The following NALCN variants were observed in gnomAD, a reference collection of about 807,000 sequenced individuals.
The protein encoded by NALCN is sodium leak channel NALCN.
Under a neutral mutation model 225.3 loss-of-function variants are expected in NALCN, and 111 were observed. The observed-to-expected ratio is 0.49, with a 90% confidence interval of 0.42 to 0.58. The LOEUF (loss-of-function observed/expected upper bound fraction) is 0.58, where lower values mean the gene tolerates loss of function less well. Ranked by LOEUF, NALCN falls within the 20% of genes least tolerant of loss-of-function variation. NALCN has a pLI of 0.00. For synonymous variants in NALCN, 764 were observed against 769.0 expected, an observed-to-expected ratio of 0.99 and a Z score of 0.11; for missense variants, 1,378 against 2,202.4, an observed-to-expected ratio of 0.63 and a Z score of 7.49.
At chr13:101,303,432 A>G (rs2044043575) in intron 7 of NALCN, among the ~76,000 whole-genome samples, 3 of 152,094 alleles carry the variant, frequency 2.0e-5, no homozygotes, top group African/African-American at 4.8e-5. Flanking sequence ...CTCCTGGTGG[A>G]CCCCAAGACA....
intron 22 of NALCN, 67 bp downstream of exon 22, chr13:101,107,420 A>G: frequency 6.2e-7 from 1 of 1,606,278 alleles, no homozygotes; most frequent in Middle Eastern, 2.0e-4. Context: ...CTTCTTCTTC[A>G]TATGACAACA....
chr13:101,347,165 A>ACACACC (rs1035947758), intron 6 of NALCN, among the ~76,000 whole-genome samples: 9 of 150,726 alleles, frequency 6.0e-5, no homozygotes, highest in Non-Finnish European at 7.4e-5. Flanking sequence ...ACACACACAC[A>ACACACC]CCCCATGGCT....
chr13:101,102,625 GC>G (rs1480905840), intron 26 of NALCN, among the ~76,000 whole-genome samples: 3 of 152,288 alleles, frequency 2.0e-5, no homozygotes, highest in African/African-American at 7.2e-5. Flanking sequence ...AGTACGTTTT[GC>G]CCCCTCAATC....
chr13:101,266,467 T>G (rs953144079), intron 10 of NALCN, among the ~76,000 whole-genome samples: 1 of 152,220 alleles, frequency 6.6e-6, no homozygotes, highest in African/African-American at 2.4e-5. Context: ...TTCTGAAGAC[T>G]GTAGGCAAAG....
At position 101,374,956 on chromosome 13, in the gene NALCN, G is replaced by A. The variant is rs551221261; in HGVS notation, c.644+1744C>T. Reference sequence around the variant, plus strand: ...AATTATTAAATTTATTTCTGTGAGAGACTAATAATTAAATGACCATTATAA... The same window carrying A: ...AATTATTAAATTTATTTCTGTGAGAAACTAATAATTAAATGACCATTATAA... On this transcript the variant is annotated intron_variant, in intron 6 of 43. Coordinates refer to ENST00000251127, the MANE Select transcript of NALCN (RefSeq NM_052867.4). Among the ~76,000 whole-genome samples the A allele has an allele frequency of 2.0e-5, 3 of 152,244 alleles. No individual in the cohort carries two copies. The East Asian group carries it at 5.8e-4, about 29-fold the overall frequency.
At chr13:101,073,231 C>G (rs1242576550) in intron 37 of NALCN, among the ~76,000 whole-genome samples, 1 of 151,944 alleles carries the variant, frequency 6.6e-6, no homozygotes, top group African/African-American at 2.4e-5. Flanking sequence ...AGACCTAGGG[C>G]CTAGCATATA....
chr13:101,321,377 A>G (rs1306631667), intron 7 of NALCN, among the ~76,000 whole-genome samples: 1 of 152,194 alleles, frequency 6.6e-6, no homozygotes, highest in East Asian at 1.9e-4. Flanking sequence ...TAACCTCATC[A>G]GTTACTATAA....
chr13:101,058,443 G>GCA, intron 42 of NALCN: 1 of 149,866 alleles, frequency 6.7e-6, no homozygotes, highest in South Asian at 2.1e-4. Context: ...ACTGTCACCA[G>GCA]CCTGGAGATC....
chr13:101,165,725 C>T (rs1395404951), intron 15 of NALCN, among the ~76,000 whole-genome samples: 1 of 152,246 alleles, frequency 6.6e-6, no homozygotes, highest in Non-Finnish European at 1.5e-5. Context: ...ATGTGCTTAC[C>T]TCGGCCTCCT....
chr13:101,110,606 GCTTAAAA>G lies in NALCN; in HGVS notation c.2364+6_2364+12del, dbSNP rs752750623. ...TCACGTTTCTGAAATCCAAAGCATT[GCTTAAAA>G]CTTACATCTTGAGTCAAAGTTTCAA... On this transcript the variant is annotated splice_donor_region_variant and intron_variant, in intron 20 of 43. Coordinates refer to ENST00000251127, the MANE Select transcript of NALCN (RefSeq NM_052867.4). 2.1e-5 allele frequency: 34 copies of G among 1,613,314 alleles called. No individual in the cohort carries two copies. Among genetic ancestry groups the G allele is most frequent in the Non-Finnish European group, 8.5e-7 (1 of 1,179,544 alleles).
At chr13:101,362,470 A>T (rs1303082937) in intron 6 of NALCN, among the ~76,000 whole-genome samples, 1 of 152,164 alleles carries the variant, frequency 6.6e-6, no homozygotes, top group African/African-American at 2.4e-5. Context: ...ACATTACATA[A>T]ATAAACCAGG....
intron 18 of NALCN, among the ~76,000 whole-genome samples, chr13:101,119,498 C>T (rs925846057): frequency 3.3e-5 from 5 of 152,202 alleles, no homozygotes; most frequent in African/African-American, 1.2e-4. Context: ...TGGCAAACCA[C>T]ACAAGGATGG....
chr13:101,133,492 C>T (rs144320601), intron 17 of NALCN, among the ~76,000 whole-genome samples: 25 of 152,032 alleles, frequency 1.6e-4, no homozygotes, highest in African/African-American at 4.8e-4. Context: ...ATTATTGTAA[C>T]GAGCCACTTT....
Position 101,229,480 on chromosome 13 carries a change from A to C in NALCN, c.1539T>G (p.Thr513=). ...GKKLGSLVVF[T]ASLLIVMSAI... is the part of the protein sequence containing the mutation. The stretch of plus-strand genomic sequence containing the variant: ...CTGACATAACAATCAAGAGGCTGGC[A>C]GTAAATACAACCAAACTCCCAAGCT... The change falls in exon 13 of 44, where the codon ACT becomes ACG. Residue 513 remains threonine, a synonymous_variant. Transcript: ENST00000251127. 1 of 1,612,108 alleles carries C rather than the reference A, an allele frequency of 6.2e-7. No homozygotes were observed. The highest frequency in any genetic ancestry group is 8.5e-7 in the Non-Finnish European group (1 of 1,179,146).
At chr13:101,249,710 G>C (rs1594524961) in intron 11 of NALCN, among the ~76,000 whole-genome samples, 1 of 152,048 alleles carries the variant, frequency 6.6e-6, no homozygotes, top group Admixed American at 6.6e-5. Context: ...CTCATAATGA[G>C]AAATGCTCTT....
chr13:101,198,685 T>A (rs2039989133), intron 13 of NALCN, among the ~76,000 whole-genome samples: 1 of 152,182 alleles, frequency 6.6e-6, no homozygotes, highest in Non-Finnish European at 1.5e-5. Context: ...ACTTTTACAC[T>A]GTTGGTGGGA....
chr13:101,230,884 A>G (rs960558416), intron 12 of NALCN, among the ~76,000 whole-genome samples: 11 of 152,304 alleles, frequency 7.2e-5, no homozygotes, highest in South Asian at 2.1e-4. Flanking sequence ...CATGCATCGC[A>G]TAACTTTTGA....
intron 1 of NALCN, among the ~76,000 whole-genome samples, chr13:101,410,723 T>C (rs2047755909): frequency 6.6e-6 from 1 of 152,110 alleles, no homozygotes; most frequent in Non-Finnish European, 1.5e-5. Flanking sequence ...ATAAAACAAC[T>C]AGAAAAGGGA....
intron 15 of NALCN, among the ~76,000 whole-genome samples, chr13:101,168,126 C>T (rs963262714): frequency 4.6e-5 from 7 of 152,130 alleles, no homozygotes; most frequent in African/African-American, 1.7e-4. Flanking sequence ...ACATTCTAGG[C>T]TTTCCTCTTA....
Sources: allele counts gnomAD v4.1 joint callset (sites outside exome capture counted in the v4.1 genomes callset), GRCh38; gene constraint gnomAD v4.1.1; transcripts MANE v1.5; gene names NCBI Gene and HGNC (gene_info 2026-07-23, HGNC 2026-07-21).